Variants in SIAE observed in about 807,000 individuals in gnomAD.
SIAE encodes the protein sialate O-acetylesterase.
Under a neutral mutation model 52.6 loss-of-function variants are expected in SIAE, and 39 were observed. The observed-to-expected ratio is 0.74, with a 90% CI of 0.57 to 0.97. The LOEUF (loss-of-function observed/expected upper bound fraction) is 0.97. SIAE is among the 50% of genes least tolerant of loss of function. The probability of loss-of-function intolerance (pLI) is 0.00; values close to 1 mark genes in which losing one functional copy is unlikely to be tolerated. For missense variants in SIAE, 592 were observed against 662.1 expected (o/e 0.89, Z 1.16); for synonymous variants, 233 against 241.4 (o/e 0.97, Z 0.32).
At chr11:124,658,511 T>C (rs1365503046) in intron 3 of SIAE, among the ~76,000 whole-genome samples, 3 of 152,220 alleles carry the variant, frequency 2.0e-5, no homozygotes, top group Admixed American at 6.5e-5. Context: ...CTGATGGATA[T>C]TGGCCATCTT....
In SIAE at chr11:124,645,203, C is replaced by G. The variant is rs1292177638; in HGVS notation, c.966+2162G>C. Among the ~76,000 whole-genome samples, 2 of 152,016 alleles carry G rather than the reference C, an allele frequency of 1.3e-5. No homozygotes were observed. Among genetic ancestry groups the G allele is most frequent in the Non-Finnish European group, 2.9e-5 (2 of 67,954 alleles). On this transcript the variant is annotated intron_variant, in intron 7 of 9. Coordinates refer to ENST00000263593, the MANE Select transcript of SIAE (RefSeq NM_170601.5). This position sits in a 1 kb window ranked among gnomAD's most constrained non-coding sequence, Gnocchi z 4.7. ...ATATGTTTATATTTCCAGACTTCCA[C>G]TAGTAACCAGCATGTTTTTGTTGGT... is the stretch of plus-strand genomic sequence containing the variant.
upstream of SIAE, chr11:124,674,526 G>A (rs1459431379): frequency 1.3e-5 from 2 of 152,244 alleles, no homozygotes. Context: ...CTCAGTAGTA[G>A]CTCAGCCCGC....
chr11:124,639,654 G>T (rs769815585), intron 8 of SIAE, 56 bp downstream of exon 8: 3 of 1,610,436 alleles, frequency 1.9e-6, no homozygotes, highest in Non-Finnish European at 2.5e-6. Flanking sequence ...GAACATCAGA[G>T]TGAAAGACTA....
intron 9 of SIAE, among the ~76,000 whole-genome samples, chr11:124,637,633 C>T (rs1942771997): frequency 6.6e-6 from 1 of 152,142 alleles, no homozygotes; most frequent in Non-Finnish European, 1.5e-5. Context: ...GATACAAAAC[C>T]TTTCTCAAGC....
At position 124,636,713 on chromosome 11, in the gene SIAE, A is replaced by C. The variant is rs1020410224; in HGVS notation, c.*238T>G. On this transcript the variant is annotated 3_prime_UTR_variant, in exon 10 of 10. Coordinates refer to ENST00000263593, the MANE Select transcript of SIAE (RefSeq NM_170601.5). ...TGACATTGAGGTCCAATTTGTCTGT[A>C]GTTCAGAATTAGTCCAATACAGACC... 9 of 565,344 alleles carry C rather than the reference A, an allele frequency of 1.6e-5. No individual in the cohort carries two copies. The East Asian group carries it at 1.8e-4, about 12-fold the overall frequency. The allele number at this position is 565,344 out of a possible 1,614,324, so 35.0% of individuals were successfully genotyped here. A position where few individuals can be genotyped will look rare whatever the true frequency, so the allele number is the denominator to read the frequency against.
chr11:124,633,284 A>C lies in SIAE; in HGVS notation c.*3667T>G, dbSNP rs1942652099. 6.6e-6 allele frequency: 1 copy of C among 152,234 alleles called. No individual in the cohort carries two copies. Among genetic ancestry groups the C allele is most frequent in the Non-Finnish European group, 1.5e-5 (1 of 68,044 alleles). 9.4% of individuals were successfully genotyped at this position (152,234 alleles called of 1,614,324 possible). ...ATTAGCCATGTAATAATATAACTCCATGTTCCATGCAACTGGATTTTTGGA... is the reference window on the plus strand; with the variant it reads ...ATTAGCCATGTAATAATATAACTCCCTGTTCCATGCAACTGGATTTTTGGA... On this transcript the variant is annotated 3_prime_UTR_variant, in exon 10 of 10. Transcript: ENST00000263593.
chr11:124,641,556 A>T (rs779065747), intron 7 of SIAE, among the ~76,000 whole-genome samples: 12 of 152,268 alleles, frequency 7.9e-5, no homozygotes, highest in Non-Finnish European at 1.5e-4. Context: ...ATTGCATGTT[A>T]TATGACTTTC....
intron 6 of SIAE, 127 bp from the exon 7 acceptor site, chr11:124,647,625 T>C (rs1591386996): frequency 1.8e-5 from 21 of 1,166,534 alleles, no homozygotes. Context: ...CTGGTCTTTT[T>C]CCAGCCAGTG....
intron 4 of SIAE, chr11:124,654,122 G>T: frequency 1.4e-6 from 1 of 691,474 alleles, no homozygotes; most frequent in South Asian, 6.5e-5. Flanking sequence ...GGTTGCAGGT[G>T]AGCCAAGATC....
chr11:124,660,812 G>A lies in SIAE; in HGVS notation c.230-9C>T, dbSNP rs1490348115. On this transcript the variant is annotated splice_polypyrimidine_tract_variant and intron_variant, in intron 2 of 9. Coordinates refer to ENST00000263593, the MANE Select transcript of SIAE (RefSeq NM_170601.5). ...CCACGTATCAGAGTGAGCTGAAATAGTAACAGGACTCCAAGGAATTAATCA... is the reference window on the plus strand; with the variant it reads ...CCACGTATCAGAGTGAGCTGAAATAATAACAGGACTCCAAGGAATTAATCA... 6.2e-7 allele frequency: 1 copy of A among 1,613,850 alleles called. No homozygotes were observed. The highest frequency in any genetic ancestry group is 1.7e-5 in the Admixed American group (1 of 60,006).
intron 4 of SIAE, chr11:124,654,029 T>C (rs1943057267): frequency 6.1e-6 from 1 of 163,430 alleles, no homozygotes; most frequent in Non-Finnish European, 1.3e-5. Flanking sequence ...ATACAAAAAT[T>C]AGCTGAGCGT....
chr11:124,649,504 T>G (rs1364457294), intron 5 of SIAE, 115 bp downstream of exon 5: 4 of 1,121,604 alleles, frequency 3.6e-6, no homozygotes, highest in Non-Finnish European at 5.4e-6. Flanking sequence ...ATTACATACA[T>G]TCAACACATA....
chr11:124,656,985 A>G lies in SIAE; in HGVS notation c.406-2192T>C, dbSNP rs1943112234. Among the ~76,000 whole-genome samples, 4 of 151,164 alleles carry G rather than the reference A, an allele frequency of 2.6e-5. No individual in the cohort carries two copies. The South Asian group carries it at 8.4e-4, about 32-fold the overall frequency. ...TGGCCCTCCAGCCACAGCGTAAGAG[A>G]AACTCTGAAAGATGCTGCCCCTTGA... On this transcript the variant is annotated intron_variant, in intron 3 of 9. Transcript: ENST00000263593.
intron 1 of SIAE, among the ~76,000 whole-genome samples, chr11:124,673,379 C>G (rs957192955): frequency 6.6e-6 from 1 of 152,224 alleles, no homozygotes; most frequent in African/African-American, 2.4e-5. Flanking sequence ...GGCCTCCCCA[C>G]TCAGACAAGC....
rs374507958 is a variant in SIAE, at chr11:124,673,608, G to C, written c.67+34C>G. ...GGGTCTCGGAGCCCGCACAGGCTGA[G>C]GGGCAGGGGTCCGGCCGAGCCGGGC... On this transcript the variant is annotated intron_variant, in intron 1 of 9. Transcript: ENST00000263593. The C allele has an allele frequency of 2.2e-5, 35 of 1,606,822 alleles. No homozygotes were observed. The East Asian group carries it at 5.2e-4, about 24-fold the overall frequency.
upstream of SIAE, chr11:124,673,810 C>T (rs1943415045): frequency 3.7e-6 from 5 of 1,337,014 alleles, no homozygotes; most frequent in Admixed American, 3.9e-5. Context: ...TTGCAGTCCT[C>T]GCAGCCTCCC....
At chr11:124,644,421 G>A (rs1334193919) in intron 7 of SIAE, among the ~76,000 whole-genome samples, 2 of 149,840 alleles carry the variant, frequency 1.3e-5, no homozygotes, top group Non-Finnish European at 2.9e-5. Flanking sequence ...AGTCCCTCAA[G>A]TCAAGGGAAT....
intron 2 of SIAE, among the ~76,000 whole-genome samples, chr11:124,663,480 A>G (rs1479354493): frequency 2.0e-5 from 3 of 152,322 alleles, no homozygotes; most frequent in East Asian, 1.9e-4. Flanking sequence ...AGGCTGAGGC[A>G]GGAGTATGGT....
intron 3 of SIAE, chr11:124,659,642 A>G (rs1489655431): frequency 1.8e-5 from 2 of 111,678 alleles, no homozygotes; most frequent in Non-Finnish European, 3.5e-5. Flanking sequence ...TCTTTAAAAA[A>G]AAAAAAGGGG....
Sources: allele counts gnomAD v4.1 joint callset (sites outside exome capture counted in the v4.1 genomes callset), GRCh38; gene constraint gnomAD v4.1.1; non-coding constraint Gnocchi (gnomAD v3.1); transcripts MANE v1.5; gene names NCBI Gene and HGNC (gene_info 2026-07-23, HGNC 2026-07-21).